Variants in NPFFR2 observed in about 807,000 individuals in gnomAD.
NPFFR2 encodes the protein G-protein coupled receptor 74.
Under a neutral mutation model 13.1 loss-of-function variants are expected in NPFFR2, and 15 were observed. The ratio of observed to expected loss-of-function variants is 1.15; its 90% CI spans 0.77 to 1.76. NPFFR2 has a LOEUF of 1.76. Ranked by LOEUF, NPFFR2 falls within the 40% of genes most tolerant of loss-of-function variation. The probability of loss-of-function intolerance (pLI) is 0.00; values close to 1 mark genes in which losing one functional copy is unlikely to be tolerated. For missense variants in NPFFR2, 572 were observed against 503.5 expected (o/e 1.14, Z -1.30); for synonymous variants, 190 against 175.7 (o/e 1.08, Z -0.65).
chr4:72,128,806 G>A lies in NPFFR2; in HGVS notation c.215G>A (p.Arg72Lys). The change falls in exon 2 of 4, where the codon AGG becomes AAG. Residue 72 changes from arginine to lysine, a missense_variant. By Grantham distance (26) the Arg-to-Lys change is conservative (BLOSUM62 2). Coordinates refer to ENST00000308744, the MANE Select transcript of NPFFR2 (RefSeq NM_004885.3). ...ACTGTGGTTTGCTTTATTGTAATGA[G>A]GAACAAACATATGCACACAGTCACT... is the stretch of plus-strand genomic sequence containing the variant. ...GNTVVCFIVM[R>K]NKHMHTVTNL... 1 of 1,613,966 alleles carries A rather than the reference G, an allele frequency of 6.2e-7. No individual in the cohort carries two copies. Among genetic ancestry groups the A allele is most frequent in the Non-Finnish European group, 8.5e-7 (1 of 1,179,910 alleles).
At chr4:72,047,310 C>A (rs1344108795) in intron 1 of NPFFR2, among the ~76,000 whole-genome samples, 1 of 152,112 alleles carries the variant, frequency 6.6e-6, no homozygotes, top group East Asian at 1.9e-4. Context: ...GAAGGCATTT[C>A]ACTTATCACT....
chr4:72,102,081 T>A (rs1017125299), intron 1 of NPFFR2, among the ~76,000 whole-genome samples: 1 of 152,150 alleles, frequency 6.6e-6, no homozygotes, highest in Non-Finnish European at 1.5e-5. Flanking sequence ...ATTGGAATTT[T>A]ATGTCATTTT....
intron 1 of NPFFR2, among the ~76,000 whole-genome samples, chr4:72,096,449 T>C (rs1202353204): frequency 1.3e-5 from 2 of 152,158 alleles, no homozygotes; most frequent in Non-Finnish European, 2.9e-5. Context: ...AAATGCAGCC[T>C]GAATAAAGTA....
At chr4:72,108,990 T>C (rs1721492018) in intron 1 of NPFFR2, among the ~76,000 whole-genome samples, 1 of 152,046 alleles carries the variant, frequency 6.6e-6, no homozygotes, top group Admixed American at 6.6e-5. Context: ...CTTACTTATA[T>C]TAATAAATTA....
At chr4:72,040,941 T>TAC (rs1719198169) in intron 1 of NPFFR2, among the ~76,000 whole-genome samples, 1 of 149,924 alleles carries the variant, frequency 6.7e-6, no homozygotes, top group African/African-American at 2.4e-5. Context: ...TATATATATA[T>TAC]ATTCATTTTA....
chr4:72,117,916 C>G (rs1721758033), intron 1 of NPFFR2, among the ~76,000 whole-genome samples: 1 of 152,042 alleles, frequency 6.6e-6, no homozygotes, highest in Non-Finnish European at 1.5e-5. Flanking sequence ...GTTCTGGTAG[C>G]ACTAGCCCTA....
intron 1 of NPFFR2, among the ~76,000 whole-genome samples, chr4:72,112,506 ATTCCCTTGG>A (rs1262437566): frequency 2.0e-5 from 3 of 151,884 alleles, no homozygotes; most frequent in African/African-American, 7.3e-5. Flanking sequence ...TCTCCTAAAT[ATTCCCTTGG>A]TTTCCCATTA....
intron 1 of NPFFR2, among the ~76,000 whole-genome samples, chr4:72,075,179 C>T (rs891266687): frequency 5.9e-5 from 9 of 152,024 alleles, no homozygotes; most frequent in Non-Finnish European, 5.9e-5. Flanking sequence ...GGTAGAAAAA[C>T]ATGAAAAGGT....
intron 1 of NPFFR2, among the ~76,000 whole-genome samples, chr4:72,078,165 A>C (rs2109790389): frequency 6.6e-6 from 1 of 152,270 alleles, no homozygotes; most frequent in East Asian, 1.9e-4. Flanking sequence ...CATATTTTGC[A>C]TATAGGTACC....
chr4:72,116,561 C>G (rs566439853), intron 1 of NPFFR2, among the ~76,000 whole-genome samples: 2 of 151,778 alleles, frequency 1.3e-5, no homozygotes, highest in Admixed American at 1.3e-4. Context: ...ACCCCTGAAC[C>G]TAAAATAAAA....
chr4:72,067,769 G>A (rs1373529214), intron 1 of NPFFR2, among the ~76,000 whole-genome samples: 3 of 152,146 alleles, frequency 2.0e-5, no homozygotes, highest in Non-Finnish European at 4.4e-5. Context: ...CTAGGACATA[G>A]ACACTGTTCA....
chr4:72,130,885 A>G (rs1395440664), intron 2 of NPFFR2, among the ~76,000 whole-genome samples: 2 of 152,194 alleles, frequency 1.3e-5, no homozygotes, highest in African/African-American at 2.4e-5. Context: ...TTCAGGAAGA[A>G]TCAGGTCGCA....
intron 1 of NPFFR2, among the ~76,000 whole-genome samples, chr4:72,037,566 T>C (rs564223766): frequency 2.6e-5 from 4 of 152,318 alleles, no homozygotes; most frequent in East Asian, 1.9e-4. Context: ...TCATTTATAA[T>C]AGACAACTCT....
chr4:72,133,259 T>C (rs374362169), intron 2 of NPFFR2, among the ~76,000 whole-genome samples: 4 of 152,130 alleles, frequency 2.6e-5, no homozygotes, highest in East Asian at 3.9e-4. Flanking sequence ...AAATAGGGAG[T>C]CCTTTCCCCA....
At chr4:72,033,279 C>T (rs1365777555) in intron 1 of NPFFR2, among the ~76,000 whole-genome samples, 1 of 152,168 alleles carries the variant, frequency 6.6e-6, no homozygotes, top group Non-Finnish European at 1.5e-5. Flanking sequence ...CCATTATCAT[C>T]AACAGAATGG....
chr4:72,084,752 C>T (rs1478484347), intron 1 of NPFFR2, among the ~76,000 whole-genome samples: 1 of 152,120 alleles, frequency 6.6e-6, no homozygotes, highest in Non-Finnish European at 1.5e-5. Context: ...ATGAGGGACA[C>T]TGAATGCCTT....
At chr4:72,077,218 A>G (rs1018217898) in intron 1 of NPFFR2, among the ~76,000 whole-genome samples, 1 of 152,096 alleles carries the variant, frequency 6.6e-6, no homozygotes, top group Non-Finnish European at 1.5e-5. Flanking sequence ...GCTTTCACTA[A>G]TGTAACCCTG....
At chr4:72,063,647 G>A (rs1719986971) in intron 1 of NPFFR2, among the ~76,000 whole-genome samples, 1 of 152,170 alleles carries the variant, frequency 6.6e-6, no homozygotes, top group Admixed American at 6.5e-5. Context: ...TATTGCTTGA[G>A]AAAGGCAAAA....
chr4:72,049,330 C>T (rs921044322), intron 1 of NPFFR2, among the ~76,000 whole-genome samples: 1 of 152,080 alleles, frequency 6.6e-6, no homozygotes, highest in Non-Finnish European at 1.5e-5. Context: ...GGAGCATCAA[C>T]TTAGTGTCCT....
Sources: allele counts gnomAD v4.1 joint callset (sites outside exome capture counted in the v4.1 genomes callset), GRCh38; gene constraint gnomAD v4.1.1; transcripts MANE v1.5; gene names NCBI Gene and HGNC (gene_info 2026-07-23, HGNC 2026-07-21).